CCNK: variants seen among roughly 807,000 people sequenced by gnomAD.
CCNK encodes the protein cyclin K.
Under a neutral mutation model 65.0 loss-of-function variants are expected in CCNK, and 9 were observed. That is an observed-to-expected ratio of 0.14 (90% CI 0.08 to 0.24). CCNK has a LOEUF of 0.24. Among genes scored for constraint, CCNK ranks in the 10% least tolerant of loss-of-function variants. CCNK has a pLI of 1.00. For synonymous variants in CCNK, 279 were observed against 270.8 expected (o/e 1.03, Z -0.30); for missense variants, 474 against 720.0 (o/e 0.66, Z 3.91).
At chr14:99,503,072 AG>A in intron 8 of CCNK, 88 bp downstream of exon 8, 1 of 1,425,458 alleles carries the variant, frequency 7.0e-7, no homozygotes, top group Non-Finnish European at 9.9e-7. Context: ...AAGCGAGCAC[AG>A]GGAACACCGG....
At chr14:99,493,477 A>C (rs1275470411) in intron 2 of CCNK, 37 bp from the exon 3 acceptor site, 1 of 1,363,822 alleles carries the variant, frequency 7.3e-7, no homozygotes, top group Admixed American at 2.0e-5. Context: ...TATAACCTGT[A>C]AAAGTTATTG....
Position 99,500,724 on chromosome 14 carries a change from G to C in CCNK, c.412-42G>C, listed in dbSNP as rs143873475. The C allele has an allele frequency of 4.6e-5, 57 of 1,244,376 alleles. No individual in the cohort carries two copies. The African/African-American group carries it at 7.7e-4, about 17-fold the overall frequency. The allele number at this position is 1,244,376 out of a possible 1,614,324, so 77.1% of individuals were successfully genotyped here. On this transcript the variant is annotated intron_variant, in intron 4 of 10. Transcript: ENST00000389879. The stretch of plus-strand genomic sequence containing the variant: ...ACTTTTGTAATGCTGCTTGAGACCT[G>C]CAATTGTAATTACTGTCCTAACATT...
At chr14:99,482,312 G>A (rs1426237149) in intron 1 of CCNK, among the ~76,000 whole-genome samples, 1 of 152,212 alleles carries the variant, frequency 6.6e-6, no homozygotes, top group Non-Finnish European at 1.5e-5. Flanking sequence ...CTAGCACAAT[G>A]CCTTGCAGTT....
chr14:99,484,500 T>G (rs1240801985), intron 1 of CCNK, among the ~76,000 whole-genome samples: 1 of 152,262 alleles, frequency 6.6e-6, no homozygotes, highest in Non-Finnish European at 1.5e-5. Context: ...TAAAAATTGC[T>G]TTTACCTGTT....
chr14:99,488,004 A>G (rs557411133), intron 1 of CCNK, among the ~76,000 whole-genome samples: 2 of 152,272 alleles, frequency 1.3e-5, no homozygotes, highest in African/African-American at 4.8e-5. Flanking sequence ...TGCAATGACA[A>G]CTTATTTACC....
Position 99,487,180 on chromosome 14 carries a change from G to T in CCNK, c.-52-5446G>T, listed in dbSNP as rs112439895. ...TGCCTTCTGTTCTATAAGAATATAT[G>T]TACATGTTTAACACTTATTAATAAT... On this transcript the variant is annotated intron_variant, in intron 1 of 10. Transcript: ENST00000389879. 6.5e-3 allele frequency among the ~76,000 whole-genome samples: 987 copies of T among 152,282 alleles called. 13 individuals are homozygous for T. The highest frequency in any genetic ancestry group is 0.023 in the African/African-American group (938 of 41,550).
At chr14:99,506,723 C>T (rs1328764309) in intron 9 of CCNK, 1 of 283,430 alleles carries the variant, frequency 3.5e-6, no homozygotes, top group African/African-American at 2.2e-5. Context: ...TTTGTGTCCT[C>T]TGTACCAGGG....
chr14:99,495,707 G>T (rs551635560), intron 4 of CCNK, 78 bp downstream of exon 4: 1 of 1,310,474 alleles, frequency 7.6e-7, no homozygotes, highest in African/African-American at 1.5e-5. Flanking sequence ...TGTTGACAGT[G>T]CCTGTAGCCC....
chr14:99,502,712 C>T lies in CCNK; in HGVS notation c.746-7C>T. 2 of 1,610,218 alleles carry T rather than the reference C, an allele frequency of 1.2e-6. No individual in the cohort carries two copies. Among genetic ancestry groups the T allele is most frequent in the Admixed American group, 1.7e-5 (1 of 60,010 alleles). ...TGTGTAAAATGTAATTGTTGGCTAT[C>T]ATTTAGACATCTGCCACCAAATCCT... On this transcript the variant is annotated splice_polypyrimidine_tract_variant and splice_region_variant and intron_variant, in intron 7 of 10. Coordinates refer to ENST00000389879, the MANE Select transcript of CCNK (RefSeq NM_001099402.2).
intron 1 of CCNK, among the ~76,000 whole-genome samples, chr14:99,490,393 T>C (rs946110301): frequency 2.0e-5 from 3 of 152,198 alleles, no homozygotes; most frequent in Non-Finnish European, 4.4e-5. Context: ...TTTGGATAAA[T>C]GAACCATGGT....
chr14:99,502,780 C>A lies in CCNK; in HGVS notation c.807C>A (p.Thr269=), dbSNP rs781120753. 6.2e-7 allele frequency: 1 copy of A among 1,613,536 alleles called. No individual in the cohort carries two copies. Among genetic ancestry groups the A allele is most frequent in the Admixed American group, 1.7e-5 (1 of 59,990 alleles). Residue 269 remains threonine (T), a synonymous_variant, in exon 8 of 11, where the codon ACC becomes ACA. Transcript: ENST00000389879. ...GAAAACAACAGATGCCTCATCACAC[C>A]CCCCATCAGCTGCAACAGCCCCCAT... ...SQGKQQMPHH[T]PHQLQQPPSL...
chr14:99,483,079 G>T (rs370375173), intron 1 of CCNK, among the ~76,000 whole-genome samples: 8 of 152,294 alleles, frequency 5.3e-5, no homozygotes, highest in African/African-American at 1.9e-4. Context: ...TACAGTTAAT[G>T]ATAGAAGACT....
chr14:99,497,186 A>T (rs963134374), intron 4 of CCNK, among the ~76,000 whole-genome samples: 1 of 152,146 alleles, frequency 6.6e-6, no homozygotes, highest in East Asian at 1.9e-4. Flanking sequence ...TGTAGCCACC[A>T]TTATAGTATC....
intron 1 of CCNK, chr14:99,481,704 C>G: frequency 2.6e-6 from 1 of 384,746 alleles, no homozygotes; most frequent in Non-Finnish European, 4.6e-6. Flanking sequence ...GGAGGCCGGA[C>G]TCACCCTAGA....
chr14:99,503,648 A>G lies in CCNK; in HGVS notation c.1045+4A>G, dbSNP rs754843358. On this transcript the variant is annotated splice_donor_region_variant and intron_variant, in intron 9 of 10. Coordinates refer to ENST00000389879, the MANE Select transcript of CCNK (RefSeq NM_001099402.2). ...AAAGAAGAGAACAAAGCAGCAGGTAATTTCCTGTTCTGATGTTTTTTTAGT... is the reference window on the plus strand; with the variant it reads ...AAAGAAGAGAACAAAGCAGCAGGTAGTTTCCTGTTCTGATGTTTTTTTAGT... 7.7e-6 allele frequency: 12 copies of G among 1,557,856 alleles called. No individual in the cohort carries two copies. The highest frequency in any genetic ancestry group is 8.7e-6 in the Non-Finnish European group (10 of 1,148,918).
At chr14:99,501,189 G>A (rs535969186) in intron 5 of CCNK, 167 bp from the exon 6 acceptor site, 24 of 620,980 alleles carry the variant, frequency 3.9e-5, no homozygotes, top group Non-Finnish European at 6.6e-5. Context: ...TGAGGAGGAA[G>A]AAGGGGTAGG....
chr14:99,492,904 A>C, intron 2 of CCNK, 30 bp downstream of exon 2: 1 of 1,531,520 alleles, frequency 6.5e-7, no homozygotes, highest in Non-Finnish European at 8.8e-7. Flanking sequence ...AATCTGTTAC[A>C]GATAGGCTCC....
chr14:99,487,920 A>G (rs1373599498), intron 1 of CCNK, among the ~76,000 whole-genome samples: 1 of 152,244 alleles, frequency 6.6e-6, no homozygotes, highest in Non-Finnish European at 1.5e-5. Flanking sequence ...ATTGATGAAG[A>G]TAAGGAGTCC....
chr14:99,506,679 C>A, intron 9 of CCNK: 1 of 186,534 alleles, frequency 5.4e-6, no homozygotes, highest in Non-Finnish European at 1.1e-5. Context: ...CCTCAGGGGA[C>A]TCAGTGACAT....
Sources: gnomAD v4.1 joint callset for allele counts (sites outside exome capture counted in the v4.1 genomes callset) on GRCh38, gnomAD v4.1.1 for gene constraint, MANE v1.5 for transcripts, NCBI Gene and HGNC (gene_info 2026-07-23, HGNC 2026-07-21) for gene names.